Variants in ARHGAP19 observed in about 807,000 individuals in gnomAD.
ARHGAP19 encodes rho GTPase-activating protein 19.
A neutral mutation model predicts 60.9 loss-of-function variants in ARHGAP19; 48 were observed. The observed-to-expected ratio is 0.79, with a 90% CI of 0.62 to 1.00. The LOEUF is 1.00. ARHGAP19 is among the 50% of genes least tolerant of loss of function. The pLI is 0.00. For missense variants in ARHGAP19, 562 were observed against 597.2 expected, an observed-to-expected ratio of 0.94 and a Z score of 0.61; for synonymous variants, 209 against 215.5, an observed-to-expected ratio of 0.97 and a Z score of 0.27.
At chr10:97,233,249 C>T (rs1472083026) in intron 9 of ARHGAP19, among the ~76,000 whole-genome samples, 1 of 151,994 alleles carries the variant, frequency 6.6e-6, no homozygotes, top group East Asian at 1.9e-4. Flanking sequence ...ACTTGGGAGG[C>T]TGAAGTAGGA....
intron 9 of ARHGAP19, 82 bp downstream of exon 9, chr10:97,235,135 G>T (rs749521964): frequency 2.5e-5 from 35 of 1,377,752 alleles, no homozygotes; most frequent in Non-Finnish European, 3.4e-5. Flanking sequence ...AAAAACAGAA[G>T]AAAACTTTTT....
chr10:97,268,705 G>A (rs1331700750), intron 1 of ARHGAP19, among the ~76,000 whole-genome samples: 4 of 152,144 alleles, frequency 2.6e-5, no homozygotes, highest in Non-Finnish European at 5.9e-5. Context: ...CAAGAGAACA[G>A]CACAGGAAAA....
In ARHGAP19 at chr10:97,240,696, A is replaced by C. The variant is rs192293566; in HGVS notation, c.1185+3272T>G. ...ACATTTAAAATGTTCGTAGCCTTTT[A>C]ATAACATGAGAAATGTTTGTAATAT... On this transcript the variant is annotated intron_variant, in intron 8 of 11. Coordinates refer to ENST00000358531, the MANE Select transcript of ARHGAP19 (RefSeq NM_032900.6). Among the ~76,000 whole-genome samples the C allele has an allele frequency of 4.3e-3, 661 of 152,362 alleles. 3 individuals are homozygous for C. The highest frequency in any genetic ancestry group is 9.7e-3 in the Admixed American group (149 of 15,302).
At chr10:97,250,081 G>A (rs1392842217) in intron 6 of ARHGAP19, among the ~76,000 whole-genome samples, 1 of 152,086 alleles carries the variant, frequency 6.6e-6, no homozygotes, top group Non-Finnish European at 1.5e-5. Context: ...ACCGCACCCG[G>A]CCAGTAGTGT....
At chr10:97,285,692 A>G (rs974482617) in intron 1 of ARHGAP19, among the ~76,000 whole-genome samples, 1 of 151,404 alleles carries the variant, frequency 6.6e-6, no homozygotes, top group Admixed American at 6.6e-5. Context: ...AGCTAATTTT[A>G]TATTTTTAGT....
chr10:97,289,682 A>C (rs1209291415), intron 1 of ARHGAP19, among the ~76,000 whole-genome samples: 3 of 151,852 alleles, frequency 2.0e-5, no homozygotes, highest in Admixed American at 6.6e-5. Context: ...CAAAAAAACA[A>C]AACAACAACA....
chr10:97,265,759 G>T, intron 2 of ARHGAP19, 101 bp downstream of exon 2: 1 of 1,473,626 alleles, frequency 6.8e-7, no homozygotes. Context: ...GCCAAAAAAT[G>T]CTTTAAGTTA....
intron 1 of ARHGAP19, 83 bp downstream of exon 1, chr10:97,292,489 C>A: frequency 6.6e-7 from 1 of 1,507,200 alleles, no homozygotes; most frequent in Non-Finnish European, 9.2e-7. Flanking sequence ...CCGAACCGTG[C>A]GCCTCCGTGA....
intron 1 of ARHGAP19, among the ~76,000 whole-genome samples, chr10:97,288,409 G>A (rs564876082): frequency 5.3e-5 from 8 of 151,842 alleles, no homozygotes; most frequent in Middle Eastern, 3.4e-3. Flanking sequence ...GTGAAACCCC[G>A]TCTCTACTAA....
intron 8 of ARHGAP19, among the ~76,000 whole-genome samples, chr10:97,237,276 A>AAC (rs1564712592): frequency 6.6e-6 from 1 of 151,606 alleles, no homozygotes; most frequent in African/African-American, 2.4e-5. Flanking sequence ...AAAAAAAAAA[A>AAC]AAAAAACTCA....
intron 1 of ARHGAP19, among the ~76,000 whole-genome samples, chr10:97,282,804 G>C (rs1227098132): frequency 7.1e-6 from 1 of 141,204 alleles, no homozygotes; most frequent in Admixed American, 6.9e-5. Flanking sequence ...CCTATTAAAT[G>C]TTCTCTGTTT....
chr10:97,282,117 G>T (rs1843092815), intron 1 of ARHGAP19, among the ~76,000 whole-genome samples: 1 of 152,092 alleles, frequency 6.6e-6, no homozygotes, highest in Non-Finnish European at 1.5e-5. Flanking sequence ...TATGTGACCT[G>T]GTGGGCACTG....
intron 1 of ARHGAP19, chr10:97,270,520 A>G (rs769157697): frequency 4.5e-6 from 5 of 1,110,338 alleles, no homozygotes; most frequent in Non-Finnish European, 3.8e-6. Context: ...AAACTACTAT[A>G]TTTAAGCAAA....
intron 9 of ARHGAP19, among the ~76,000 whole-genome samples, chr10:97,231,085 A>AAAAAAAAC (rs1851005985): frequency 7.5e-6 from 1 of 133,126 alleles, no homozygotes; most frequent in Non-Finnish European, 1.7e-5. Flanking sequence ...AAAAAAAAAA[A>AAAAAAAAC]AAAAGACTAA....
chr10:97,246,917 C>G (rs1341176898), intron 6 of ARHGAP19, among the ~76,000 whole-genome samples: 1 of 152,088 alleles, frequency 6.6e-6, no homozygotes, highest in Non-Finnish European at 1.5e-5. Context: ...GTGGGTGGAT[C>G]ACCTGAAGTC....
chr10:97,230,370 G>A (rs753272595), intron 9 of ARHGAP19, among the ~76,000 whole-genome samples: 2 of 152,152 alleles, frequency 1.3e-5, no homozygotes, highest in African/African-American at 4.8e-5. Context: ...AACATTTGGA[G>A]ACATTCTATA....
chr10:97,247,954 A>T (rs1842586137), intron 6 of ARHGAP19, among the ~76,000 whole-genome samples: 1 of 144,284 alleles, frequency 6.9e-6, no homozygotes, highest in African/African-American at 2.5e-5. Context: ...ATATCTTTTA[A>T]TGTGGTTTTG....
chr10:97,271,839 T>C (rs1248981425), intron 1 of ARHGAP19, among the ~76,000 whole-genome samples: 1 of 151,926 alleles, frequency 6.6e-6, no homozygotes, highest in African/African-American at 2.4e-5. Flanking sequence ...TGTTTAATTT[T>C]ATCAAATACT....
At chr10:97,241,768 G>A (rs911391258) in intron 8 of ARHGAP19, among the ~76,000 whole-genome samples, 1 of 151,956 alleles carries the variant, frequency 6.6e-6, no homozygotes, top group Admixed American at 6.6e-5. Context: ...CCAGCACTTT[G>A]GGAGGCCGAG....
Sources: gnomAD v4.1 joint callset for allele counts (sites outside exome capture counted in the v4.1 genomes callset) on GRCh38, gnomAD v4.1.1 for gene constraint, MANE v1.5 for transcripts, NCBI Gene and HGNC (gene_info 2026-07-23, HGNC 2026-07-21) for gene names.